Variants in FAM168A observed in about 807,000 individuals in gnomAD.
The protein encoded by FAM168A is family with sequence similarity 168 member A.
FAM168A carries 3 observed loss-of-function variants against 28.5 expected under a neutral mutation model. The observed-to-expected ratio is 0.11, with a 90% confidence interval of 0.05 to 0.27. The LOEUF is 0.27. Ranked by LOEUF, FAM168A falls within the 10% of genes least tolerant of loss-of-function variation. FAM168A has a pLI of 1.00. For synonymous variants in FAM168A, 122 were observed against 124.2 expected (o/e 0.98, Z 0.12); for missense variants, 222 against 311.5 (o/e 0.71, Z 2.16).
chr11:73,573,973 G>A (rs1753665607), intron 1 of FAM168A, among the ~76,000 whole-genome samples: 1 of 151,172 alleles, frequency 6.6e-6, no homozygotes, highest in African/African-American at 2.4e-5. Context: ...AGGGGCAGGG[G>A]TGGGGGCAGG....
intron 1 of FAM168A, among the ~76,000 whole-genome samples, chr11:73,513,523 AG>A (rs1855271068): frequency 6.6e-6 from 1 of 151,942 alleles, no homozygotes; most frequent in South Asian, 2.1e-4. Context: ...CCCAGGTAAA[AG>A]AATTTAAAAG....
chr11:73,429,694 A>G (rs2134509113), intron 3 of FAM168A, among the ~76,000 whole-genome samples: 1 of 151,834 alleles, frequency 6.6e-6, no homozygotes, highest in Middle Eastern at 3.4e-3. Flanking sequence ...CTACACTTTC[A>G]CCCCCAGGCA....
chr11:73,418,551 C>A (rs1274303366), intron 4 of FAM168A, among the ~76,000 whole-genome samples: 1 of 152,208 alleles, frequency 6.6e-6, no homozygotes, highest in Non-Finnish European at 1.5e-5. Flanking sequence ...AACACAAGAA[C>A]AGACTAACAC....
intron 1 of FAM168A, among the ~76,000 whole-genome samples, chr11:73,532,923 G>C (rs1033397664): frequency 6.6e-6 from 1 of 152,196 alleles, no homozygotes; most frequent in African/African-American, 2.4e-5. Context: ...AGCTGGGAAA[G>C]AGGAAAAATG....
intron 2 of FAM168A, among the ~76,000 whole-genome samples, chr11:73,458,192 G>A (rs1867575329): frequency 6.6e-6 from 1 of 152,178 alleles, no homozygotes; most frequent in South Asian, 2.1e-4. Flanking sequence ...ACAACTTTTT[G>A]TAGAGAACAG....
chr11:73,430,277 GGTGTGT>G (rs35239246), intron 3 of FAM168A: 90 of 175,016 alleles, frequency 5.1e-4, no homozygotes, highest in East Asian at 1.7e-3. Flanking sequence ...TGTGTCCCAA[GGTGTGT>G]GTGTGTGTGT....
At chr11:73,486,972 A>G (rs1331911277) in intron 1 of FAM168A, among the ~76,000 whole-genome samples, 2 of 152,234 alleles carry the variant, frequency 1.3e-5, no homozygotes, top group Non-Finnish European at 2.9e-5. Context: ...TAATAAATTT[A>G]TATCATCCAC....
At chr11:73,508,396 A>C (rs1410071423) in intron 1 of FAM168A, among the ~76,000 whole-genome samples, 1 of 152,214 alleles carries the variant, frequency 6.6e-6, no homozygotes, top group Non-Finnish European at 1.5e-5. Context: ...CCTCCCTTCA[A>C]ACATCTTTAA....
chr11:73,439,383 A>G (rs565614655), intron 2 of FAM168A, among the ~76,000 whole-genome samples: 13 of 152,336 alleles, frequency 8.5e-5, no homozygotes, highest in Middle Eastern at 6.8e-3. Flanking sequence ...ATCCAGGTTA[A>G]AGGCCAGCAA....
chr11:73,545,138 GC>G (rs1943729118), intron 1 of FAM168A, among the ~76,000 whole-genome samples: 1 of 145,122 alleles, frequency 6.9e-6, no homozygotes, highest in Admixed American at 7.3e-5. Context: ...CAATTCTCTT[GC>G]CTCAGCCTCC....
chr11:73,504,476 T>C (rs1855069013), intron 1 of FAM168A, among the ~76,000 whole-genome samples: 2 of 152,174 alleles, frequency 1.3e-5, no homozygotes, highest in Non-Finnish European at 1.5e-5. Flanking sequence ...CCAGTCAGAA[T>C]GGCAGTTATT....
chr11:73,502,506 C>T (rs1310904515), intron 1 of FAM168A, among the ~76,000 whole-genome samples: 1 of 152,094 alleles, frequency 6.6e-6, no homozygotes, highest in African/African-American at 2.4e-5. Flanking sequence ...TAATTAATAG[C>T]CTATCAACCA....
chr11:73,469,461 T>C (rs1003843164), intron 1 of FAM168A, among the ~76,000 whole-genome samples: 2 of 152,192 alleles, frequency 1.3e-5, no homozygotes, highest in African/African-American at 2.4e-5. Context: ...ACAAGTCAAA[T>C]GTTGAAGGCA....
At chr11:73,582,870 T>C (rs1374651548) in intron 1 of FAM168A, among the ~76,000 whole-genome samples, 1 of 152,208 alleles carries the variant, frequency 6.6e-6, no homozygotes, top group Non-Finnish European at 1.5e-5. Context: ...TCTCATTGTG[T>C]CTACTGTGTA....
Position 73,436,847 on chromosome 11 carries a change from A to C in FAM168A, c.71-6077T>G, listed in dbSNP as rs570642829. ...CAAAATTCTTTTACTTTATCTTCAA[A>C]ACCAAGGAAAAAAGGAAATTACTCT... On this transcript the variant is annotated intron_variant, in intron 2 of 7. Transcript: ENST00000356467. 2.0e-5 allele frequency among the ~76,000 whole-genome samples: 3 copies of C among 152,350 alleles called. No homozygotes were observed. The South Asian group carries it at 6.2e-4, about 32-fold the overall frequency.
chr11:73,552,785 C>A (rs1943844436), intron 1 of FAM168A, among the ~76,000 whole-genome samples: 1 of 152,054 alleles, frequency 6.6e-6, no homozygotes, highest in Admixed American at 6.5e-5. Context: ...GGCAAAACCC[C>A]ATCTCTACCA....
chr11:73,463,522 T>A (rs1468717504), intron 2 of FAM168A, among the ~76,000 whole-genome samples: 2 of 152,158 alleles, frequency 1.3e-5, no homozygotes, highest in East Asian at 3.9e-4. Flanking sequence ...GACGGCTGGA[T>A]AAACTAGTCT....
intron 1 of FAM168A, among the ~76,000 whole-genome samples, chr11:73,580,697 A>T (rs1253226064): frequency 6.6e-6 from 1 of 152,232 alleles, no homozygotes; most frequent in African/African-American, 2.4e-5. Context: ...CACTAATAAA[A>T]TGTCTCCAAA....
rs1375747975 is a variant in FAM168A, at chr11:73,468,413, G to A, written c.62C>T (p.Ala21Val). The A allele has an allele frequency of 1.9e-6, 3 of 1,613,900 alleles. No homozygotes were observed. In the African/African-American group the frequency reaches 4.0e-5, roughly 22 times the overall value. Residue 21 changes from alanine (A) to valine (V), a missense_variant, in exon 2 of 8, where the codon GCC becomes GTC. Ala to Val is a moderately conservative substitution (Grantham distance 64, BLOSUM62 0). Around this residue, in one of 3 missense-constraint regions of FAM168A, gnomAD observed 153 missense variants for 189.2 expected, o/e 0.81. Coordinates refer to ENST00000356467, the MANE Select transcript of FAM168A (RefSeq NM_015159.3). ...GAPYGNPKNM[A>V]YTGYPTAYPA... is the part of the protein sequence containing the mutation. ...ATTCTCACACTACTCACCCGTGTAG[G>A]CCATGTTCTTAGGGTTGCCATAAGG...
Sources: allele counts gnomAD v4.1 joint callset (sites outside exome capture counted in the v4.1 genomes callset), GRCh38; gene constraint gnomAD v4.1.1; regional missense constraint gnomAD v4.1.1; transcripts MANE v1.5; gene names NCBI Gene and HGNC (gene_info 2026-07-23, HGNC 2026-07-21).